The following BPIFB3 variants were observed in gnomAD, a reference collection of about 807,000 sequenced individuals.
BPIFB3 encodes BPI fold containing family B member 3.
A neutral mutation model predicts 53.1 loss-of-function variants in BPIFB3; 49 were observed. That is an observed-to-expected ratio of 0.92 (90% CI 0.73 to 1.17). The LOEUF (loss-of-function observed/expected upper bound fraction) is 1.17, where lower values mean the gene tolerates loss of function less well. Among genes scored for constraint, BPIFB3 ranks in the 50% most tolerant of loss-of-function variants. BPIFB3 has a pLI of 0.00. For missense variants in BPIFB3, 628 were observed against 592.5 expected (o/e 1.06, Z -0.62); for synonymous variants, 271 against 269.6 (o/e 1.01, Z -0.05).
At chr20:33,071,991 G>C in intron 12 of BPIFB3, 113 bp from the exon 14 acceptor site, 1 of 1,079,362 alleles carries the variant, frequency 9.3e-7, no homozygotes, top group Non-Finnish European at 1.4e-6. Context: ...TCAGGCTTGG[G>C]GGAGGCTGAG....
At chr20:33,072,571 G>A in intron 13 of BPIFB3, 146 bp from the exon 15 acceptor site, 1 of 698,888 alleles carries the variant, frequency 1.4e-6, no homozygotes, top group Non-Finnish European at 2.5e-6. Context: ...ATGAGTAGGA[G>A]TTTGCCAATA....
intron 5 of BPIFB3, 38 bp downstream of exon 6, chr20:33,061,869 A>G: frequency 9.3e-6 from 15 of 1,607,224 alleles, no homozygotes; most frequent in Non-Finnish European, 1.2e-5. Context: ...GCCCTCTCCC[A>G]GGACTGGGCC....
chr20:33,067,381 G>A (rs542533962), intron 9 of BPIFB3, among the ~76,000 whole-genome samples: 19 of 152,310 alleles, frequency 1.2e-4, no homozygotes, highest in Non-Finnish European at 4.4e-5. Context: ...ACTGGAATTC[G>A]TACTGAAGTT....
upstream of BPIFB3, among the ~76,000 whole-genome samples, chr20:33,054,611 T>C (rs1980116910): frequency 2.0e-5 from 3 of 152,044 alleles, no homozygotes; most frequent in Non-Finnish European, 4.4e-5. Context: ...GGGCCTGGCA[T>C]GTTTAAGCTC....
chr20:33,057,373 GAGA>G (rs2011208675), intron 2 of BPIFB3, among the ~76,000 whole-genome samples: 1 of 152,086 alleles, frequency 6.6e-6, no homozygotes, highest in South Asian at 2.1e-4. Flanking sequence ...AGTTTTAGTA[GAGA>G]AGAAGTTACA....
exon 6 of BPIFB3, chr20:33,063,637 T>C: frequency 6.2e-7 from 1 of 1,614,108 alleles, no homozygotes; most frequent in Non-Finnish European, 8.5e-7. Context: ...GTGGACAGTG[T>C]GCTGGGTGTG....
At chr20:33,059,002 G>C (rs971812869) in intron 2 of BPIFB3, among the ~76,000 whole-genome samples, 4 of 152,108 alleles carry the variant, frequency 2.6e-5, no homozygotes, top group Non-Finnish European at 4.4e-5. Flanking sequence ...AGTGTGCAGG[G>C]GTATAGCAGG....
chr20:33,055,659 C>A, intron 1 of BPIFB3, 112 bp downstream of exon 2: 1 of 1,481,970 alleles, frequency 6.7e-7, no homozygotes, highest in South Asian at 1.2e-5. Flanking sequence ...TGATTCTCAG[C>A]TGCTTAGAGA....
chr20:33,056,623 G>T (rs1285037131), exon 2 of BPIFB3: 1 of 1,613,568 alleles, frequency 6.2e-7, no homozygotes, highest in East Asian at 2.2e-5. Flanking sequence ...GGCCTCTTGG[G>T]CTCAGGAGGG....
rs1188333616 is a variant in BPIFB3, at chr20:33,068,975, T to A, written c.1149+2T>A. ...GAATCCCTCTTTGAGCTGAACTCCG[T>A]GAGTGGTCAAGGGGTGGCTGGGGGC... is the stretch of plus-strand genomic sequence containing the variant. On this transcript the variant is annotated splice_donor_variant, in intron 10 of 14. Transcript: ENST00000375494. LOFTEE classifies it high-confidence loss of function. 9 of 1,611,986 alleles carry A rather than the reference T, an allele frequency of 5.6e-6. No homozygotes were observed. Among genetic ancestry groups the A allele is most frequent in the Non-Finnish European group, 7.6e-6 (9 of 1,178,522 alleles).
chr20:33,064,942 GC>G, intron 8 of BPIFB3, 97 bp downstream of exon 9: 1 of 1,324,156 alleles, frequency 7.6e-7, no homozygotes, highest in Admixed American at 2.3e-5. Flanking sequence ...GCCTTGCTGA[GC>G]CCTCCTCTCT....
intron 11 of BPIFB3, 85 bp from the exon 13 acceptor site, chr20:33,071,168 T>C: frequency 1.6e-6 from 2 of 1,283,366 alleles, no homozygotes; most frequent in Admixed American, 4.8e-5. Flanking sequence ...TTCCTGATGA[T>C]GAGAGCTATG....
At chr20:33,059,476 G>C (rs1373456224) in exon 3 of BPIFB3, 1 of 1,609,492 alleles carries the variant, frequency 6.2e-7, no homozygotes, top group South Asian at 1.1e-5. Context: ...GGCATGCATT[G>C]CTCTGGGTGA....
rs908567185 is a variant in BPIFB3 at position 33,066,986 on chromosome 20, G to A, written c.978+109G>A. ...CTCTCCAGGCAACTGCAATTGAACA[G>A]TTGAGTCCAAATTCACACTAAAGTG... On this transcript the variant is annotated intron_variant, in intron 9 of 14. Transcript: ENST00000375494. 1.1e-5 allele frequency: 12 copies of A among 1,122,900 alleles called. No homozygotes were observed. In the African/African-American group the frequency reaches 1.8e-4, roughly 17 times the overall value. 69.6% of individuals were successfully genotyped at this position (1,122,900 alleles called of 1,614,324 possible).
At chr20:33,054,452 G>A (rs1314647043), upstream of BPIFB3, among the ~76,000 whole-genome samples, 1 of 152,182 alleles carries the variant, frequency 6.6e-6, no homozygotes, top group Non-Finnish European at 1.5e-5. Context: ...GTGACAGACG[G>A]ATTTCTTTAG....
intron 6 of BPIFB3, 82 bp from the exon 8 acceptor site, chr20:33,064,375 A>G (rs2146386529): frequency 1.8e-6 from 2 of 1,116,518 alleles, no homozygotes; most frequent in East Asian, 4.7e-5. Context: ...CATTCAGCAG[A>G]CACTCAATAA....
chr20:33,059,673 G>C (rs551965018), intron 3 of BPIFB3, among the ~76,000 whole-genome samples, 191 bp downstream of exon 4: 1 of 152,090 alleles, frequency 6.6e-6, no homozygotes, highest in African/African-American at 2.4e-5. Context: ...CCCTTCCCCA[G>C]GGACTTCCAT....
At chr20:33,056,420 C>G in intron 1 of BPIFB3, 122 bp from the exon 3 acceptor site, 2 of 1,318,454 alleles carry the variant, frequency 1.5e-6, no homozygotes, top group Non-Finnish European at 2.1e-6. Context: ...TGAGTGTAAC[C>G]TCTGGGTTAA....
intron 8 of BPIFB3, among the ~76,000 whole-genome samples, chr20:33,065,734 G>A (rs1443094864): frequency 6.6e-6 from 1 of 152,162 alleles, no homozygotes; most frequent in Non-Finnish European, 1.5e-5. Context: ...ATCCTGGAAA[G>A]CCCAGACCCC....
Sources: gnomAD v4.1 joint callset for allele counts (sites outside exome capture counted in the v4.1 genomes callset) on GRCh38, gnomAD v4.1.1 for gene constraint, MANE v1.5 for transcripts, NCBI Gene and HGNC (gene_info 2026-07-23, HGNC 2026-07-21) for gene names.